DPYSL2: variants seen among roughly 807,000 people sequenced by gnomAD.
DPYSL2 encodes the protein dihydropyrimidinase-related protein 2.
Under a neutral mutation model 69.9 loss-of-function variants are expected in DPYSL2, and 13 were observed. That is an observed-to-expected ratio of 0.19 (90% CI 0.12 to 0.30). The LOEUF (loss-of-function observed/expected upper bound fraction) is 0.30. Ranked by LOEUF, DPYSL2 falls within the 10% of genes least tolerant of loss-of-function variation. The pLI is 1.00. For synonymous variants in DPYSL2, 326 were observed against 359.1 expected, an observed-to-expected ratio of 0.91 and a Z score of 1.04; for missense variants, 587 against 918.9, an observed-to-expected ratio of 0.64 and a Z score of 4.67.
intron 1 of DPYSL2, among the ~76,000 whole-genome samples, chr8:26,540,831 G>C (rs1456506003): frequency 1.3e-5 from 2 of 151,710 alleles, no homozygotes; most frequent in Non-Finnish European, 2.9e-5. Flanking sequence ...CTTGAACCCG[G>C]GAGGCAGAGG....
In DPYSL2 at chr8:26,650,728, G is replaced by C. The variant is rs111807841; in HGVS notation, c.1597-1529G>C. ...GGCATCTCTGGGGAGACCATCTGCT[G>C]TGCAGACAGGGGTGGCAGAAAATCT... is the stretch of plus-strand genomic sequence containing the variant. On this transcript the variant is annotated intron_variant, in intron 11 of 13. Transcript: ENST00000521913. This position sits in a 1 kb window ranked among gnomAD's most constrained non-coding sequence, Gnocchi z 5.3. Among the ~76,000 whole-genome samples the C allele has an allele frequency of 1.3e-5, 2 of 152,352 alleles. No homozygotes were observed. The highest frequency in any genetic ancestry group is 4.8e-5 in the African/African-American group (2 of 41,596).
intron 1 of DPYSL2, among the ~76,000 whole-genome samples, chr8:26,545,830 A>G (rs909336179): frequency 2.0e-5 from 3 of 151,376 alleles, no homozygotes; most frequent in African/African-American, 7.3e-5. Flanking sequence ...ATTCGACTAT[A>G]TTTATGTGTG....
intron 1 of DPYSL2, among the ~76,000 whole-genome samples, chr8:26,529,110 G>C (rs1800443673): frequency 6.6e-6 from 1 of 152,116 alleles, no homozygotes; most frequent in Non-Finnish European, 1.5e-5. Context: ...GGATCGGCAA[G>C]GCCCCAGATG....
intron 1 of DPYSL2, among the ~76,000 whole-genome samples, chr8:26,527,003 C>T (rs1482658233): frequency 2.0e-5 from 3 of 152,224 alleles, no homozygotes; most frequent in African/African-American, 4.8e-5. Flanking sequence ...CTGTAGTTGA[C>T]AAAGAAGCAG....
At chr8:26,544,749 A>T (rs6981460) in intron 1 of DPYSL2, among the ~76,000 whole-genome samples, 53,336 of 152,130 alleles carry the variant, frequency 0.35, 11,538 homozygotes, top group East Asian at 0.67. Context: ...TACAAAGTGT[A>T]CAAAATGAAT....
rs2117591597 is a variant in DPYSL2 at position 26,514,947 on chromosome 8, C to CT, written c.354+269dup. Among the ~76,000 whole-genome samples, 1 of 152,356 alleles carries CT rather than the reference C, an allele frequency of 6.6e-6. No homozygotes were observed. Among genetic ancestry groups the CT allele is most frequent in the African/African-American group, 2.4e-5 (1 of 41,592 alleles). ...TGGGCATAGGGAATGGGCTGATCCC[C>CT]TGCTGGGGCGGGCGGTGGTCGTCTG... On this transcript the variant is annotated intron_variant, in intron 1 of 13. Coordinates refer to ENST00000521913, the MANE Select transcript of DPYSL2 (RefSeq NM_001197293.3). The surrounding 1 kb of genome is among the most constrained non-coding windows in gnomAD (Gnocchi z 8.4).
intron 1 of DPYSL2, among the ~76,000 whole-genome samples, chr8:26,574,266 G>T (rs1205680995): frequency 6.6e-6 from 1 of 151,632 alleles, no homozygotes; most frequent in East Asian, 1.9e-4. Flanking sequence ...TGTTTTCAGG[G>T]GCAGTGAGAA....
intron 1 of DPYSL2, among the ~76,000 whole-genome samples, chr8:26,563,019 G>A (rs994229764): frequency 2.6e-5 from 4 of 152,100 alleles, no homozygotes; most frequent in African/African-American, 9.7e-5. Context: ...CCACACCTGT[G>A]TCTGAACTCA....
intron 1 of DPYSL2, among the ~76,000 whole-genome samples, chr8:26,551,228 A>T (rs1800869405): frequency 6.6e-6 from 1 of 152,248 alleles, no homozygotes; most frequent in Admixed American, 6.5e-5. Flanking sequence ...TCAAGTTGAC[A>T]GCCCCAATCT....
At chr8:26,606,152 G>A (rs1585541100) in intron 3 of DPYSL2, among the ~76,000 whole-genome samples, 1 of 152,236 alleles carries the variant, frequency 6.6e-6, no homozygotes, top group African/African-American at 2.4e-5. Context: ...GTGACTAACT[G>A]TATCTAGGTA....
intron 1 of DPYSL2, among the ~76,000 whole-genome samples, chr8:26,566,010 A>G (rs1348316043): frequency 6.6e-6 from 1 of 152,226 alleles, no homozygotes; most frequent in Non-Finnish European, 1.5e-5. Context: ...TGTGTGTCCT[A>G]GAAGAAGAGG....
chr8:26,635,513 T>G (rs890659296), intron 8 of DPYSL2, among the ~76,000 whole-genome samples: 2 of 152,226 alleles, frequency 1.3e-5, no homozygotes, highest in African/African-American at 4.8e-5. Context: ...GCATTTTGAA[T>G]GCAGCTGAGC....
chr8:26,630,350 G>A (rs1323765363), intron 7 of DPYSL2, among the ~76,000 whole-genome samples: 1 of 152,134 alleles, frequency 6.6e-6, no homozygotes, highest in Non-Finnish European at 1.5e-5. Context: ...GTTGCTCTCA[G>A]CCCTGACCTC....
At chr8:26,555,211 C>T (rs917416767) in intron 1 of DPYSL2, among the ~76,000 whole-genome samples, 6 of 152,006 alleles carry the variant, frequency 3.9e-5, no homozygotes, top group African/African-American at 1.2e-4. Flanking sequence ...AATGATTTCC[C>T]TTCTCAGCAC....
chr8:26,627,860 T>C lies in DPYSL2; in HGVS notation c.937-12T>C. The C allele has an allele frequency of 6.2e-7, 1 of 1,613,286 alleles. No individual in the cohort carries two copies. The highest frequency in any genetic ancestry group is 8.5e-7 in the Non-Finnish European group (1 of 1,179,880). On this transcript the variant is annotated splice_polypyrimidine_tract_variant and intron_variant, in intron 6 of 13. Coordinates refer to ENST00000521913, the MANE Select transcript of DPYSL2 (RefSeq NM_001197293.3). The surrounding 1 kb of genome is among the most constrained non-coding windows in gnomAD (Gnocchi z 6.9). ...CTCTCCCTCACAGCCTGACTTTCTCTAAACATTGCAGGAGCAGCAGAGGAT... is the reference window on the plus strand; with the variant it reads ...CTCTCCCTCACAGCCTGACTTTCTCCAAACATTGCAGGAGCAGCAGAGGAT...
intron 3 of DPYSL2, among the ~76,000 whole-genome samples, chr8:26,589,638 AGTCCCTGT>A (rs1343590751): frequency 1.9e-4 from 29 of 152,282 alleles, no homozygotes; most frequent in Admixed American, 3.3e-4. Context: ...CAGCTCCCTG[AGTCCCTGT>A]GGTCAGATCT....
Position 26,585,248 on chromosome 8 carries a change from T to C in DPYSL2, c.628+1265T>C, listed in dbSNP as rs577480604. ...GAAAAACCTTTCTTACTGGTTATTT[T>C]TCCGAGTGGTGGTCTTTTTGCTTGT... On this transcript the variant is annotated intron_variant, in intron 3 of 13. Transcript: ENST00000521913. The surrounding 1 kb of genome is among the most constrained non-coding windows in gnomAD (Gnocchi z 4.0). Among the ~76,000 whole-genome samples the C allele has an allele frequency of 3.9e-5, 6 of 152,306 alleles. No individual in the cohort carries two copies. The South Asian group carries it at 1.2e-3, about 32-fold the overall frequency.
In DPYSL2 at chr8:26,610,521, TGC is replaced by T. The variant is rs1414710665; in HGVS notation, c.629-13621_629-13620del. On this transcript the variant is annotated intron_variant, in intron 3 of 13. Coordinates refer to ENST00000521913, the MANE Select transcript of DPYSL2 (RefSeq NM_001197293.3). The surrounding 1 kb of genome is among the most constrained non-coding windows in gnomAD (Gnocchi z 4.5). ...TTTGTTTGGGTCGTATGCAGTTTCA[TGC>T]AGAAGACTTAGCTAGATGAGTGACT... Among the ~76,000 whole-genome samples the T allele has an allele frequency of 6.6e-6, 1 of 152,188 alleles. No individual in the cohort carries two copies. The highest frequency in any genetic ancestry group is 1.9e-4 in the East Asian group (1 of 5,186).
intron 3 of DPYSL2, among the ~76,000 whole-genome samples, chr8:26,592,472 T>TG (rs202021302): frequency 0.048 from 4,349 of 90,172 alleles, 98 homozygotes; most frequent in Middle Eastern, 0.13. Flanking sequence ...GTTTTTTTTT[T>TG]TTTGTTTTTT....
Sources: allele counts gnomAD v4.1 joint callset (sites outside exome capture counted in the v4.1 genomes callset), GRCh38; gene constraint gnomAD v4.1.1; non-coding constraint Gnocchi (gnomAD v3.1); transcripts MANE v1.5; gene names NCBI Gene and HGNC (gene_info 2026-07-23, HGNC 2026-07-21).